The following ARHGAP15 variants were observed in gnomAD, a reference collection of about 807,000 sequenced individuals.
ARHGAP15 encodes Rho GTPase activating protein 15, also known as rho GTPase-activating protein 15.
ARHGAP15 carries 51 observed loss-of-function variants against 63.7 expected under a neutral mutation model. The observed-to-expected ratio is 0.80, with a 90% CI of 0.64 to 1.01. The LOEUF is 1.01. ARHGAP15 is among the 50% of genes least tolerant of loss of function. ARHGAP15 has a pLI of 0.00. For missense variants in ARHGAP15, 560 were observed against 564.6 expected (o/e 0.99, Z 0.08); for synonymous variants, 191 against 193.8 (o/e 0.99, Z 0.12).
chr2:143,736,484 T>C (rs1022912847), intron 13 of ARHGAP15, among the ~76,000 whole-genome samples: 1 of 151,952 alleles, frequency 6.6e-6, no homozygotes, highest in Non-Finnish European at 1.5e-5. Flanking sequence ...TGGAATTAAA[T>C]AGAGTAGGGT....
intron 8 of ARHGAP15, among the ~76,000 whole-genome samples, chr2:143,461,795 G>C (rs1409807204): frequency 2.6e-5 from 4 of 152,080 alleles, no homozygotes; most frequent in African/African-American, 9.7e-5. Flanking sequence ...ATTCCCCTTT[G>C]CAGTGCCGTT....
intron 2 of ARHGAP15, among the ~76,000 whole-genome samples, chr2:143,198,542 A>G (rs905281384): frequency 6.6e-6 from 1 of 152,112 alleles, no homozygotes; most frequent in Non-Finnish European, 1.5e-5. Context: ...TTTTTCTATG[A>G]AACCTTAGGA....
chr2:143,629,498 G>A (rs1698980299), intron 12 of ARHGAP15, among the ~76,000 whole-genome samples: 1 of 152,118 alleles, frequency 6.6e-6, no homozygotes, highest in South Asian at 2.1e-4. Flanking sequence ...TTTATGATAG[G>A]TGATGCAATC....
Position 143,529,184 on chromosome 2 carries a change from T to A in ARHGAP15, c.925+9820T>A, listed in dbSNP as rs185721251. Among the ~76,000 whole-genome samples the A allele has an allele frequency of 1.1e-3, 165 of 152,232 alleles. No homozygotes were observed. The East Asian group carries it at 0.03, about 28-fold the overall frequency. On this transcript the variant is annotated intron_variant, in intron 10 of 13. Transcript: ENST00000295095. ...TGTTCCTCCTATTTTATTTCTTAAC[T>A]CAGCCCGCAGCATTACAATCTATAT...
intron 6 of ARHGAP15, among the ~76,000 whole-genome samples, chr2:143,343,259 C>T (rs1295698182): frequency 1.3e-5 from 2 of 151,902 alleles, no homozygotes; most frequent in Non-Finnish European, 2.9e-5. Context: ...TGGAGAGAGG[C>T]TAATTCAGGA....
chr2:143,761,151 TC>T (rs918926898), intron 13 of ARHGAP15, among the ~76,000 whole-genome samples: 6 of 152,058 alleles, frequency 3.9e-5, no homozygotes, highest in Non-Finnish European at 8.8e-5. Context: ...TTAGCATAGA[TC>T]CCCCCCGAAA....
chr2:143,164,117 G>A (rs1690405679), intron 2 of ARHGAP15, among the ~76,000 whole-genome samples: 1 of 151,940 alleles, frequency 6.6e-6, no homozygotes, highest in South Asian at 2.1e-4. Context: ...CTTTTAATAA[G>A]GGACTTCAGT....
At chr2:143,153,792 TTC>T (rs1491334006) in intron 1 of ARHGAP15, among the ~76,000 whole-genome samples, 5 of 39,256 alleles carry the variant, frequency 1.3e-4, no homozygotes, top group Non-Finnish European at 2.6e-4. Context: ...CTTCTTCTTC[TTC>T]TTCTTCTTCT....
intron 13 of ARHGAP15, among the ~76,000 whole-genome samples, chr2:143,709,619 GT>G (rs1684487078): frequency 6.0e-5 from 4 of 66,746 alleles, no homozygotes; most frequent in African/African-American, 2.4e-4. Context: ...AGTAGAAACT[GT>G]TGAGCCCCAG....
intron 13 of ARHGAP15, among the ~76,000 whole-genome samples, chr2:143,705,872 C>A (rs1684304800): frequency 6.6e-6 from 1 of 152,132 alleles, no homozygotes; most frequent in African/African-American, 2.4e-5. Context: ...CATGTCCAGG[C>A]CACATAATCC....
At chr2:143,512,749 T>C (rs1170741632) in intron 9 of ARHGAP15, among the ~76,000 whole-genome samples, 1 of 152,236 alleles carries the variant, frequency 6.6e-6, no homozygotes, top group Non-Finnish European at 1.5e-5. Context: ...GCAAGTGCCA[T>C]GGCAAGGATA....
chr2:143,593,164 C>T (rs1356730169), intron 11 of ARHGAP15: 1 of 152,204 alleles, frequency 6.6e-6, no homozygotes, highest in Non-Finnish European at 1.5e-5. Context: ...ACACAGGACT[C>T]ATTGGCGTCT....
intron 6 of ARHGAP15, among the ~76,000 whole-genome samples, chr2:143,280,224 G>T (rs896831384): frequency 6.6e-6 from 1 of 152,100 alleles, no homozygotes; most frequent in Non-Finnish European, 1.5e-5. Flanking sequence ...GAAAAGATGA[G>T]AAATGAGTGT....
At chr2:143,710,327 A>C (rs1684525523) in intron 13 of ARHGAP15, among the ~76,000 whole-genome samples, 2 of 152,246 alleles carry the variant, frequency 1.3e-5, no homozygotes, top group African/African-American at 4.8e-5. Flanking sequence ...CCCATAGCAG[A>C]ATTTGGCCTG....
At chr2:143,671,600 A>AAGTC (rs1325705583) in intron 12 of ARHGAP15, among the ~76,000 whole-genome samples, 4 of 152,208 alleles carry the variant, frequency 2.6e-5, no homozygotes, top group Admixed American at 1.3e-4. Context: ...GTGGCAAAAA[A>AAGTC]AGTCATTGCA....
chr2:143,490,648 G>GC (rs1692546130), intron 9 of ARHGAP15, among the ~76,000 whole-genome samples: 1 of 150,672 alleles, frequency 6.6e-6, no homozygotes, highest in East Asian at 2.0e-4. Context: ...TGAGACAGAG[G>GC]CTCACTCTGT....
At chr2:143,435,761 C>G in intron 7 of ARHGAP15, 62 bp downstream of exon 7, 1 of 1,492,418 alleles carries the variant, frequency 6.7e-7, no homozygotes, top group South Asian at 1.2e-5. Context: ...AATCTTATTG[C>G]TCAGGCATAT....
chr2:143,381,877 T>TAAA lies in ARHGAP15; in HGVS notation c.475-53723_475-53722insAAA, dbSNP rs141158314. Among the ~76,000 whole-genome samples, 1,033 of 152,100 alleles carry TAAA rather than the reference T, an allele frequency of 6.8e-3. 11 individuals carry two copies. Among genetic ancestry groups the TAAA allele is most frequent in the African/African-American group, 0.023 (973 of 41,480 alleles). On this transcript the variant is annotated intron_variant, in intron 6 of 13. Coordinates refer to ENST00000295095, the MANE Select transcript of ARHGAP15 (RefSeq NM_018460.4). ...TAAAAAAAGCATAAAGGGGAGGAGG[T>TAAA]ACAAATAAGAGGTGATTTTCAAACT...
chr2:143,420,244 A>AT (rs1267420172), intron 6 of ARHGAP15, among the ~76,000 whole-genome samples: 2 of 152,096 alleles, frequency 1.3e-5, no homozygotes, highest in African/African-American at 2.4e-5. Flanking sequence ...CAATTTACTC[A>AT]TTTTTTTGAG....
Sources: allele counts gnomAD v4.1 joint callset (sites outside exome capture counted in the v4.1 genomes callset), GRCh38; gene constraint gnomAD v4.1.1; transcripts MANE v1.5; gene names NCBI Gene and HGNC (gene_info 2026-07-23, HGNC 2026-07-21).